SGCZ: variants seen among roughly 807,000 people sequenced by gnomAD.
SGCZ encodes zeta-sarcoglycan.
SGCZ carries 40 observed loss-of-function variants against 41.3 expected under a neutral mutation model. That is an observed-to-expected ratio of 0.97 (90% CI 0.75 to 1.26). SGCZ has a LOEUF of 1.26. Among genes scored for constraint, SGCZ ranks in the 50% most tolerant of loss-of-function variants. The pLI is 0.00. For synonymous variants in SGCZ, 206 were observed against 137.5 expected (o/e 1.50, Z -3.49); for missense variants, 552 against 369.8 (o/e 1.49, Z -4.04).
intron 2 of SGCZ, among the ~76,000 whole-genome samples, chr8:14,462,473 A>G (rs911245197): frequency 1.3e-5 from 2 of 152,016 alleles, no homozygotes; most frequent in African/African-American, 4.8e-5. Context: ...TTGCATAACT[A>G]AAACTATACC....
In SGCZ at chr8:14,776,266, T is replaced by C. The variant is rs1288336240; in HGVS notation, c.40-221340A>G. ...ATGGTGGGGCCACATGGAGAATAAG[T>C]GAATCATGGGGGTGGTTTCCCCATA... On this transcript the variant is annotated intron_variant, in intron 1 of 7. Transcript: ENST00000382080. Among the ~76,000 whole-genome samples the C allele has an allele frequency of 5.9e-5, 9 of 152,182 alleles. No individual in the cohort carries two copies. In the East Asian group the frequency reaches 1.7e-3, roughly 29 times the overall value.
chr8:15,017,561 G>A (rs1189524946), intron 1 of SGCZ, among the ~76,000 whole-genome samples: 1 of 152,104 alleles, frequency 6.6e-6, no homozygotes, highest in Non-Finnish European at 1.5e-5. Context: ...GAGTGCAATG[G>A]CACAACCACG....
intron 1 of SGCZ, among the ~76,000 whole-genome samples, chr8:14,850,944 A>G (rs1333422108): frequency 6.6e-6 from 1 of 152,198 alleles, no homozygotes; most frequent in Non-Finnish European, 1.5e-5. Context: ...TGATTCAATT[A>G]AACCTCTTTC....
chr8:15,143,319 T>C (rs1275645358), intron 1 of SGCZ, among the ~76,000 whole-genome samples: 1 of 152,334 alleles, frequency 6.6e-6, no homozygotes. Context: ...TAGCACGTAG[T>C]AGGCATTGAA....
At chr8:14,666,963 A>G (rs1807930829) in intron 1 of SGCZ, among the ~76,000 whole-genome samples, 1 of 152,128 alleles carries the variant, frequency 6.6e-6, no homozygotes, top group South Asian at 2.1e-4. Context: ...GCACACAAAT[A>G]TATATATTTA....
chr8:15,192,498 G>A (rs771420934), intron 1 of SGCZ, among the ~76,000 whole-genome samples: 8 of 152,086 alleles, frequency 5.3e-5, no homozygotes, highest in Non-Finnish European at 1.0e-4. Flanking sequence ...TTGTAACTGA[G>A]CATCAGTTGA....
At chr8:14,661,435 T>G (rs1585162698) in intron 1 of SGCZ, among the ~76,000 whole-genome samples, 1 of 152,302 alleles carries the variant, frequency 6.6e-6, no homozygotes, top group South Asian at 2.1e-4. Context: ...AAATGTAACT[T>G]AAGGTAAATA....
chr8:14,358,733 C>T (rs921707144), intron 2 of SGCZ, among the ~76,000 whole-genome samples: 1 of 152,046 alleles, frequency 6.6e-6, no homozygotes, highest in Admixed American at 6.6e-5. Context: ...GCCTCAGCCT[C>T]CTGAGTAGCT....
chr8:14,531,562 G>A (rs1803133854), intron 2 of SGCZ, among the ~76,000 whole-genome samples: 1 of 152,034 alleles, frequency 6.6e-6, no homozygotes, highest in Non-Finnish European at 1.5e-5. Context: ...TGGCAGTCCA[G>A]AAGTTTCCAA....
At chr8:14,692,094 T>A (rs1314989869) in intron 1 of SGCZ, among the ~76,000 whole-genome samples, 3 of 152,010 alleles carry the variant, frequency 2.0e-5, no homozygotes, top group Non-Finnish European at 4.4e-5. Flanking sequence ...AGTCAAGAAT[T>A]TCTTGTGAAA....
At chr8:14,628,967 C>G (rs1806553772) in intron 1 of SGCZ, among the ~76,000 whole-genome samples, 1 of 152,122 alleles carries the variant, frequency 6.6e-6, no homozygotes, top group African/African-American at 2.4e-5. Flanking sequence ...GAGTCGTAAT[C>G]AATTCCAAAC....
At chr8:14,735,275 T>C (rs1011492976) in intron 1 of SGCZ, among the ~76,000 whole-genome samples, 4 of 152,188 alleles carry the variant, frequency 2.6e-5, no homozygotes, top group Non-Finnish European at 5.9e-5. Context: ...TGTAAGGGAA[T>C]TGACAGAGGA....
chr8:14,179,233 A>G (rs190552706), intron 4 of SGCZ, among the ~76,000 whole-genome samples: 34 of 152,326 alleles, frequency 2.2e-4, no homozygotes, highest in Non-Finnish European at 4.1e-4. Flanking sequence ...CATCTAGAGA[A>G]TGACGGGAAA....
chr8:15,089,196 G>A (rs1385771821), intron 1 of SGCZ, among the ~76,000 whole-genome samples: 1 of 152,006 alleles, frequency 6.6e-6, no homozygotes, highest in African/African-American at 2.4e-5. Flanking sequence ...CTAATGATTC[G>A]ATATAAAAAT....
chr8:14,298,481 C>T (rs1275786831), intron 3 of SGCZ, among the ~76,000 whole-genome samples: 1 of 151,834 alleles, frequency 6.6e-6, no homozygotes, highest in African/African-American at 2.4e-5. Context: ...CAAAAGTGAA[C>T]TTAACAGTGC....
rs180729028 is a variant in SGCZ at position 14,494,678 on chromosome 8, G to A, written c.234+60054C>T. ...TTTTTTCAGTCAAATAGTAGCATTT[G>A]AGAAACAACGTTGTTGCTGAAAGAT... On this transcript the variant is annotated intron_variant, in intron 2 of 7. Coordinates refer to ENST00000382080, the MANE Select transcript of SGCZ (RefSeq NM_139167.4). Among the ~76,000 whole-genome samples the A allele has an allele frequency of 3.3e-5, 5 of 152,260 alleles. No homozygotes were observed. In the East Asian group the frequency reaches 9.7e-4, roughly 29 times the overall value.
At chr8:14,247,452 T>C (rs548118288) in intron 3 of SGCZ, among the ~76,000 whole-genome samples, 9 of 152,198 alleles carry the variant, frequency 5.9e-5, no homozygotes, top group African/African-American at 9.6e-5. Context: ...TATCACTTCC[T>C]GTATCAGTCA....
intron 2 of SGCZ, among the ~76,000 whole-genome samples, chr8:14,362,247 C>T (rs185826478): frequency 1.5e-3 from 222 of 152,306 alleles, no homozygotes; most frequent in African/African-American, 5.1e-3. Flanking sequence ...TTTAAGTCTG[C>T]AGAAGCCTTT....
chr8:14,579,214 T>C (rs1013395702), intron 1 of SGCZ, among the ~76,000 whole-genome samples: 15 of 152,186 alleles, frequency 9.9e-5, no homozygotes, highest in Non-Finnish European at 1.0e-4. Flanking sequence ...ACTAAAGTCA[T>C]CTCAAGTGTT....
Sources: gnomAD v4.1 joint callset for allele counts (sites outside exome capture counted in the v4.1 genomes callset) on GRCh38, gnomAD v4.1.1 for gene constraint, MANE v1.5 for transcripts, NCBI Gene and HGNC (gene_info 2026-07-23, HGNC 2026-07-21) for gene names.